Variants in CCDC88A observed in about 807,000 individuals in gnomAD.
The protein encoded by CCDC88A is coiled-coil and HOOK domain protein 88A.
CCDC88A carries 54 observed loss-of-function variants against 234.3 expected under a neutral mutation model. That is an observed-to-expected ratio of 0.23 (90% confidence interval 0.19 to 0.29). The LOEUF is 0.29. Ranked by LOEUF, CCDC88A falls within the 10% of genes least tolerant of loss-of-function variation. The pLI, the probability that CCDC88A is intolerant of heterozygous loss-of-function variation, is 1.00. For synonymous variants in CCDC88A, 753 were observed against 737.8 expected (o/e 1.02, Z -0.33); for missense variants, 1,832 against 2,123.4 (o/e 0.86, Z 2.70).
chr2:55,346,140 A>G (rs748959299), intron 10 of CCDC88A, 35 bp downstream of exon 10: 31 of 1,503,054 alleles, frequency 2.1e-5, no homozygotes, highest in South Asian at 3.9e-5. Context: ...CTAACACAGA[A>G]AAAAAAATCA....
In CCDC88A at chr2:55,419,426, G is replaced by A. The variant is rs1681972986; in HGVS notation, c.-347C>T. 4 of 285,300 alleles carry A rather than the reference G, an allele frequency of 1.4e-5. No individual in the cohort carries two copies. In the South Asian group the frequency reaches 1.6e-4, roughly 11 times the overall value. The allele number at this position is 285,300 out of a possible 1,614,324, so 17.7% of individuals were successfully genotyped here. On this transcript the variant is annotated 5_prime_UTR_variant, in exon 1 of 33. Coordinates refer to ENST00000436346, the MANE Select transcript of CCDC88A (RefSeq NM_001365480.1). ...CCGTCAAGGTTGTCCAGCTCCTGGA[G>A]GATCCAGACCAGCGAAACTGCTCCC...
chr2:55,307,634 G>C (rs1022917384), intron 25 of CCDC88A, among the ~76,000 whole-genome samples: 20 of 152,042 alleles, frequency 1.3e-4, no homozygotes, highest in African/African-American at 4.6e-4. Context: ...GATTACAGGC[G>C]TGAGCCACCG....
chr2:55,309,287 A>G lies in CCDC88A; in HGVS notation c.4080-33T>C. On this transcript the variant is annotated intron_variant, in intron 23 of 32. Transcript: ENST00000436346. This position sits in a 1 kb window ranked among gnomAD's most constrained non-coding sequence, Gnocchi z 5.1. ...ATAAAAATTACCTTTTAGGACAGGC[A>G]TCATATTTTGTACAGCTATGAATAT... 1 of 996,234 alleles carries G rather than the reference A, an allele frequency of 1.0e-6. No homozygotes were observed. Among genetic ancestry groups the G allele is most frequent in the Non-Finnish European group, 1.5e-6 (1 of 646,290 alleles). 61.7% of individuals were successfully genotyped at this position (996,234 alleles called of 1,614,324 possible). A position where few individuals can be genotyped will look rare whatever the true frequency, so the allele number is the denominator to read the frequency against.
Position 55,317,357 on chromosome 2 carries a change from G to C in CCDC88A, c.3603-8C>G, listed in dbSNP as rs747615363. 1 of 1,453,328 alleles carries C rather than the reference G, an allele frequency of 6.9e-7. No individual in the cohort carries two copies. The highest frequency in any genetic ancestry group is 9.1e-7 in the Non-Finnish European group (1 of 1,097,916). 90.0% of individuals were successfully genotyped at this position (1,453,328 alleles called of 1,614,324 possible). A position where few individuals can be genotyped will look rare whatever the true frequency, so the allele number is the denominator to read the frequency against. The stretch of plus-strand genomic sequence containing the variant: ...TTTAATAACTGATTGTAACTGGGGG[G>C]AAAAAAGGCATTTGGTTTATAATAT... On this transcript the variant is annotated splice_polypyrimidine_tract_variant and splice_region_variant and intron_variant, in intron 20 of 32. Coordinates refer to ENST00000436346, the MANE Select transcript of CCDC88A (RefSeq NM_001365480.1). The surrounding 1 kb of genome is among the most constrained non-coding windows in gnomAD (Gnocchi z 4.2).
chr2:55,395,504 C>T (rs921570583), intron 2 of CCDC88A, among the ~76,000 whole-genome samples: 5 of 152,212 alleles, frequency 3.3e-5, no homozygotes, highest in African/African-American at 9.6e-5. Context: ...AGTTCCTTGA[C>T]AAGAGGGACC....
rs760474289 is a variant in CCDC88A at position 55,335,410 on chromosome 2, A to G, written c.1657-246T>C. Among the ~76,000 whole-genome samples, 11 of 152,276 alleles carry G rather than the reference A, an allele frequency of 7.2e-5. No individual in the cohort carries two copies. The highest frequency in any genetic ancestry group is 1.3e-4 in the Non-Finnish European group (9 of 68,004). ...CATGTTTTTAGGAAGTTCACAGTTT[A>G]AAGGAACGGTTGAGAAATGTATTTT... On this transcript the variant is annotated intron_variant, in intron 14 of 32. Coordinates refer to ENST00000436346, the MANE Select transcript of CCDC88A (RefSeq NM_001365480.1). This position sits in a 1 kb window ranked among gnomAD's most constrained non-coding sequence, Gnocchi z 4.5.
At chr2:55,345,294 G>A (rs1162017735) in intron 10 of CCDC88A, 2 of 152,224 alleles carry the variant, frequency 1.3e-5, no homozygotes, top group Non-Finnish European at 1.5e-5. Flanking sequence ...TTCGTTTCTT[G>A]ATTTTGTATA....
chr2:55,301,327 C>T (rs1453935054), intron 27 of CCDC88A, 50 bp from the exon 28 acceptor site: 10 of 997,174 alleles, frequency 1.0e-5, no homozygotes, highest in Non-Finnish European at 1.5e-5. Context: ...AATAAAAAAC[C>T]ATTATAAAAT....
intron 2 of CCDC88A, among the ~76,000 whole-genome samples, chr2:55,402,050 T>A (rs1034199116): frequency 9.9e-5 from 15 of 152,168 alleles, no homozygotes; most frequent in Non-Finnish European, 1.9e-4. Context: ...GTTAGCAGTT[T>A]TTTAACTTTT....
At position 55,343,735 on chromosome 2, in the gene CCDC88A, C is replaced by T; in HGVS notation, c.1246G>A (p.Glu416Lys). ...TCCATACTTTGTTTCTGTGCCATTT[C>T]CAAAGTCATATTTTCTTCCATTAAT... The part of the protein sequence containing the change: ...EELMEENMTL[E>K]MAQKQSMDES... Residue 416 changes from glutamate (E) to lysine (K), a missense_variant, in exon 12 of 33, where the codon GAA becomes AAA. By Grantham distance (56) the Glu-to-Lys change is moderately conservative (BLOSUM62 1). Around this residue, in one of 6 missense-constraint regions of CCDC88A, gnomAD observed 1,282 missense variants for 1,543.6 expected, o/e 0.83. Transcript: ENST00000436346. The T allele has an allele frequency of 6.2e-7, 1 of 1,610,818 alleles. No homozygotes were observed.
chr2:55,353,431 G>A (rs976372166), intron 8 of CCDC88A, among the ~76,000 whole-genome samples: 5 of 152,060 alleles, frequency 3.3e-5, no homozygotes, highest in African/African-American at 7.2e-5. Flanking sequence ...TCCTGGGCGT[G>A]TTCATTTCAA....
intron 7 of CCDC88A, among the ~76,000 whole-genome samples, chr2:55,360,069 T>C (rs1671092570): frequency 6.6e-6 from 1 of 152,140 alleles, no homozygotes; most frequent in African/African-American, 2.4e-5. Flanking sequence ...GCAGATTTAA[T>C]AAAACAGTAT....
At chr2:55,349,460 A>C in intron 9 of CCDC88A, 58 bp downstream of exon 9, 1 of 1,226,664 alleles carries the variant, frequency 8.2e-7, no homozygotes. Context: ...ATTACAAGGA[A>C]GAAAATCAAT....
chr2:55,321,065 T>C (rs1325126771), intron 18 of CCDC88A: 1 of 146,706 alleles, frequency 6.8e-6, no homozygotes, highest in Non-Finnish European at 1.5e-5. Flanking sequence ...AGCTATGATC[T>C]CGCCACTGCA....
At chr2:55,355,848 C>A in intron 7 of CCDC88A, 97 bp from the exon 8 acceptor site, 1 of 871,186 alleles carries the variant, frequency 1.1e-6, no homozygotes, top group South Asian at 1.8e-5. Context: ...ACTGCCATAT[C>A]AAAAACAATT....
At position 55,316,001 on chromosome 2, in the gene CCDC88A, G is replaced by A; in HGVS notation, c.3860C>T (p.Ala1287Val). Residue 1287 changes from alanine (A) to valine (V), a missense_variant, in exon 22 of 33, where the codon GCT becomes GTT. By Grantham distance (64) the Ala-to-Val change is moderately conservative. Around this residue, in one of 6 missense-constraint regions of CCDC88A, gnomAD observed 1,282 missense variants for 1,543.6 expected, o/e 0.83. Coordinates refer to ENST00000436346, the MANE Select transcript of CCDC88A (RefSeq NM_001365480.1). ...TTGTTCCTTTAGTTTTGAAAATTCAGCTTCTAATCTTGTTTGTTCCAGTTT... is the reference window on the plus strand; with the variant it reads ...TTGTTCCTTTAGTTTTGAAAATTCAACTTCTAATCTTGTTTGTTCCAGTTT... ...NSKLEQTRLE[A>V]EFSKLKEQYQ... The A allele has an allele frequency of 6.3e-7, 1 of 1,586,714 alleles. No homozygotes were observed. Among genetic ancestry groups the A allele is most frequent in the Non-Finnish European group, 8.6e-7 (1 of 1,166,624 alleles).
chr2:55,318,646 A>C (rs1466058310), intron 19 of CCDC88A, among the ~76,000 whole-genome samples, 197 bp downstream of exon 19: 1 of 152,210 alleles, frequency 6.6e-6, no homozygotes, highest in East Asian at 1.9e-4. Context: ...ATCTTTATTC[A>C]GATGTATTGA....
intron 16 of CCDC88A, among the ~76,000 whole-genome samples, chr2:55,331,432 T>C (rs1384188752): frequency 6.6e-6 from 1 of 152,214 alleles, no homozygotes; most frequent in Non-Finnish European, 1.5e-5. Context: ...TTGAACATTC[T>C]GAAAATTACA....
chr2:55,379,687 G>T (rs1379071303), intron 3 of CCDC88A, among the ~76,000 whole-genome samples: 1 of 152,228 alleles, frequency 6.6e-6, no homozygotes, highest in Non-Finnish European at 1.5e-5. Flanking sequence ...CAGCACTTCG[G>T]GAGGCTGAGG....
Sources: allele counts gnomAD v4.1 joint callset (sites outside exome capture counted in the v4.1 genomes callset), GRCh38; gene constraint gnomAD v4.1.1; regional missense constraint gnomAD v4.1.1; non-coding constraint Gnocchi (gnomAD v3.1); transcripts MANE v1.5; gene names NCBI Gene and HGNC (gene_info 2026-07-23, HGNC 2026-07-21).